The following ARID1B variants were observed in gnomAD, a reference collection of about 807,000 sequenced individuals.
The protein encoded by ARID1B is AT-rich interaction domain 1B.
A neutral mutation model predicts 212.3 loss-of-function variants in ARID1B; 30 were observed. That is an observed-to-expected ratio of 0.14 (90% CI 0.11 to 0.19). The LOEUF is 0.19. Among genes scored for constraint, ARID1B ranks in the 10% least tolerant of loss-of-function variants. The pLI is 1.00. For synonymous variants in ARID1B, 1,402 were observed against 1,301.7 expected, an observed-to-expected ratio of 1.08 and a Z score of -1.66; for missense variants, 2,891 against 3,204.0, an observed-to-expected ratio of 0.90 and a Z score of 2.36.
intron 2 of ARID1B, among the ~76,000 whole-genome samples, chr6:156,875,988 G>GTA (rs1249407525): frequency 5.9e-5 from 9 of 152,178 alleles, no homozygotes; most frequent in Non-Finnish European, 1.2e-4. Flanking sequence ...TTACTGAAGT[G>GTA]TACTGTTGAA....
At position 157,190,302 on chromosome 6, in the gene ARID1B, T is replaced by C. The variant is rs959746074; in HGVS notation, c.4231+92T>C. On this transcript the variant is annotated intron_variant, in intron 15 of 19. Coordinates refer to ENST00000636930, the MANE Select transcript of ARID1B (RefSeq NM_001374828.1). This position sits in a 1 kb window ranked among gnomAD's most constrained non-coding sequence, Gnocchi z 4.6. Reference sequence around the variant, plus strand: ...CAGTTCACCTTTCACTCAGAACACCTCTGAGCCCATGCTGCATCGGTGTGG... The same window carrying C: ...CAGTTCACCTTTCACTCAGAACACCCCTGAGCCCATGCTGCATCGGTGTGG... 2 of 1,409,718 alleles carry C rather than the reference T, an allele frequency of 1.4e-6. No homozygotes were observed. Among genetic ancestry groups the C allele is most frequent in the Non-Finnish European group, 1.9e-6 (2 of 1,057,110 alleles). 87.3% of individuals were successfully genotyped at this position (1,409,718 alleles called of 1,614,324 possible). A position where few individuals can be genotyped will look rare whatever the true frequency, so the allele number is the denominator to read the frequency against.
chr6:156,839,926 AC>A (rs1783777148), intron 2 of ARID1B, among the ~76,000 whole-genome samples: 1 of 152,220 alleles, frequency 6.6e-6, no homozygotes, highest in Non-Finnish European at 1.5e-5. Context: ...AATTTAAGTC[AC>A]GTGAATGCAC....
At chr6:156,826,760 C>T (rs527391348) in intron 1 of ARID1B, among the ~76,000 whole-genome samples, 1 of 152,218 alleles carries the variant, frequency 6.6e-6, no homozygotes, top group South Asian at 2.1e-4. Context: ...ATAGCAGAAG[C>T]CTTTACCCTT....
At chr6:156,878,930 G>A (rs1786813168) in intron 2 of ARID1B, among the ~76,000 whole-genome samples, 1 of 152,236 alleles carries the variant, frequency 6.6e-6, no homozygotes, top group Non-Finnish European at 1.5e-5. Context: ...ATTGAGTGAG[G>A]TGGAGGAAGT....
In ARID1B at chr6:157,200,697, A is replaced by G. The variant is rs1252519291; in HGVS notation, c.4480-8A>G. ...CATCAGGATGATTTGTCTTTCTGTG[A>G]ATTCCAGAATTACAAACGCCATATG... is the stretch of plus-strand genomic sequence containing the variant. On this transcript the variant is annotated splice_polypyrimidine_tract_variant and splice_region_variant and intron_variant, in intron 17 of 19. Transcript: ENST00000636930. The surrounding 1 kb of genome is among the most constrained non-coding windows in gnomAD (Gnocchi z 4.3). The G allele has an allele frequency of 3.1e-6, 5 of 1,588,142 alleles. No homozygotes were observed. The highest frequency in any genetic ancestry group is 4.3e-6 in the Non-Finnish European group (5 of 1,167,326).
At chr6:156,892,675 G>A (rs1232299973) in intron 2 of ARID1B, among the ~76,000 whole-genome samples, 1 of 152,104 alleles carries the variant, frequency 6.6e-6, no homozygotes, top group Non-Finnish European at 1.5e-5. Flanking sequence ...ATTCCTTCAT[G>A]TCTCTTTCCA....
chr6:157,147,221 T>G (rs182404953), intron 7 of ARID1B, among the ~76,000 whole-genome samples: 87 of 312 alleles, frequency 0.28, 1 homozygote, highest in South Asian at 0.4. Context: ...CTGCCCTCCG[T>G]CCCTCACCTC....
intron 6 of ARID1B, among the ~76,000 whole-genome samples, chr6:157,124,197 AT>A (rs1303677590): frequency 2.6e-5 from 4 of 152,246 alleles, no homozygotes; most frequent in Non-Finnish European, 5.9e-5. Flanking sequence ...AATCCAATTT[AT>A]TAAGCCACTT....
chr6:156,985,405 G>A lies in ARID1B; in HGVS notation c.2247+49829G>A, dbSNP rs146659551. The A allele has an allele frequency of 1.7e-4, 26 of 152,316 alleles. 1 individual carries two copies. In the East Asian group the frequency reaches 4.8e-3, roughly 28 times the overall value. 9.4% of individuals were successfully genotyped at this position (152,316 alleles called of 1,614,324 possible). On this transcript the variant is annotated intron_variant, in intron 4 of 19. Coordinates refer to ENST00000636930, the MANE Select transcript of ARID1B (RefSeq NM_001374828.1). ...TCAGAGAAGGTGCTCATGTTTGAAA[G>A]ACAATATATGGATCTGGAAGAAGTA...
intron 5 of ARID1B, among the ~76,000 whole-genome samples, chr6:157,096,814 G>C (rs1414287316): frequency 1.3e-5 from 2 of 152,220 alleles, no homozygotes; most frequent in African/African-American, 4.8e-5. Context: ...AAAGGAGTCT[G>C]GTTATTGATT....
chr6:157,198,903 A>G lies in ARID1B; in HGVS notation c.4475A>G (p.Gln1492Arg), dbSNP rs765570329. Residue 1492 changes from glutamine to arginine, a missense_variant, in exon 17 of 20, where the codon CAG becomes CGG. Gln to Arg is a conservative substitution (Grantham distance 43, BLOSUM62 1). Transcript: ENST00000636930. ...GGHQPGLYPQ[Q>R]PNYKRHMDGM... Reference sequence around the variant, plus strand: ...CACCAGCCCGGCCTGTACCCACAGCAGCCGGTGAGTTGGCAAGTGGGCGTG... The same window carrying G: ...CACCAGCCCGGCCTGTACCCACAGCGGCCGGTGAGTTGGCAAGTGGGCGTG... The G allele has an allele frequency of 6.2e-7, 1 of 1,600,200 alleles. No homozygotes were observed. Among genetic ancestry groups the G allele is most frequent in the Non-Finnish European group, 8.5e-7 (1 of 1,171,916 alleles).
chr6:156,945,233 C>CTTTTTTTTTTTTTTTTTTTTTTTTTTTT, intron 4 of ARID1B, among the ~76,000 whole-genome samples: 1 of 32,664 alleles, frequency 3.1e-5, no homozygotes, highest in African/African-American at 1.1e-4. Flanking sequence ...CCGCATCCGG[C>CTTTTTTTTTTTTTTTTTTTTTTTTTTTT]TTTTTTTTTT....
At chr6:156,821,959 C>T (rs1583103680) in intron 1 of ARID1B, among the ~76,000 whole-genome samples, 1 of 152,078 alleles carries the variant, frequency 6.6e-6, no homozygotes, top group African/African-American at 2.4e-5. Context: ...CCGATAATTT[C>T]ATGGTTCTTA....
intron 1 of ARID1B, among the ~76,000 whole-genome samples, chr6:156,815,962 A>G (rs183266406): frequency 5.6e-4 from 85 of 152,332 alleles, no homozygotes; most frequent in South Asian, 5.4e-3. Flanking sequence ...AAGTTAAGTA[A>G]GTTTTTTCTA....
At chr6:156,875,814 T>A (rs907423651) in intron 2 of ARID1B, among the ~76,000 whole-genome samples, 2 of 152,256 alleles carry the variant, frequency 1.3e-5, no homozygotes, top group African/African-American at 4.8e-5. Context: ...GCAACTCTCT[T>A]GGTGATTACA....
chr6:157,122,014 G>A (rs1035035184), intron 6 of ARID1B, among the ~76,000 whole-genome samples: 3 of 152,142 alleles, frequency 2.0e-5, no homozygotes, highest in South Asian at 4.2e-4. Context: ...GGAAAGGTCT[G>A]GAAAACTCAC....
intron 2 of ARID1B, among the ~76,000 whole-genome samples, chr6:156,877,783 C>T (rs1445904575): frequency 1.3e-5 from 2 of 151,712 alleles, no homozygotes; most frequent in South Asian, 2.1e-4. Context: ...CATCTTGGCT[C>T]ACTGCAACCT....
chr6:157,167,200 T>C lies in ARID1B; in HGVS notation c.3235+15T>C, dbSNP rs1366003616. 1.2e-6 allele frequency: 2 copies of C among 1,601,700 alleles called. No homozygotes were observed. The highest frequency in any genetic ancestry group is 1.7e-6 in the Non-Finnish European group (2 of 1,178,780). ...CAGCTCGGCAGGTAACCTTGGCAGC[T>C]CTGCGCTCCTGAGCCCCTCTCTCTC... On this transcript the variant is annotated intron_variant, in intron 9 of 19. Transcript: ENST00000636930.
intron 4 of ARID1B, among the ~76,000 whole-genome samples, chr6:157,069,756 G>GT (rs1003356698): frequency 1.3e-5 from 2 of 152,350 alleles, no homozygotes; most frequent in African/African-American, 4.8e-5. Context: ...ATGATCATGA[G>GT]TGGTAGGTAA....
Sources: allele counts gnomAD v4.1 joint callset (sites outside exome capture counted in the v4.1 genomes callset), GRCh38; gene constraint gnomAD v4.1.1; non-coding constraint Gnocchi (gnomAD v3.1); transcripts MANE v1.5; gene names NCBI Gene and HGNC (gene_info 2026-07-23, HGNC 2026-07-21).